SLC20A2: variants seen among roughly 807,000 people sequenced by gnomAD.
SLC20A2 encodes solute carrier family 20 member 2.
SLC20A2 carries 30 observed loss-of-function variants against 61.0 expected under a neutral mutation model. That is an observed-to-expected ratio of 0.49 (90% CI 0.37 to 0.67). The LOEUF is 0.67. Ranked by LOEUF, SLC20A2 falls within the 30% of genes least tolerant of loss-of-function variation. The pLI, the probability that SLC20A2 is intolerant of heterozygous loss-of-function variation, is 0.00. For synonymous variants in SLC20A2, 351 were observed against 353.3 expected, an observed-to-expected ratio of 0.99 and a Z score of 0.07; for missense variants, 626 against 866.4, an observed-to-expected ratio of 0.72 and a Z score of 3.48.
intron 1 of SLC20A2, among the ~76,000 whole-genome samples, chr8:42,509,252 TAA>T (rs1238234833): frequency 6.6e-6 from 1 of 152,204 alleles, no homozygotes; most frequent in African/African-American, 2.4e-5. Flanking sequence ...TAAACACACT[TAA>T]ATGTTTCCCT....
chr8:42,449,588 C>T (rs544963533), intron 5 of SLC20A2, among the ~76,000 whole-genome samples: 3 of 152,190 alleles, frequency 2.0e-5, no homozygotes, highest in African/African-American at 7.2e-5. Context: ...TAGTCTATAT[C>T]AGTTTCCTTA....
At chr8:42,443,811 T>C (rs1028943655) in intron 6 of SLC20A2, among the ~76,000 whole-genome samples, 7 of 152,218 alleles carry the variant, frequency 4.6e-5, no homozygotes, top group African/African-American at 1.7e-4. Flanking sequence ...ATTTTCCATA[T>C]TCTTAAATTT....
chr8:42,455,305 A>G (rs1378945307), intron 5 of SLC20A2, among the ~76,000 whole-genome samples: 2 of 146,012 alleles, frequency 1.4e-5, no homozygotes, highest in African/African-American at 5.1e-5. Context: ...GTGCGCATGC[A>G]CTCCAGGTTC....
At chr8:42,442,869 G>A (rs1359848782) in intron 6 of SLC20A2, among the ~76,000 whole-genome samples, 1 of 152,154 alleles carries the variant, frequency 6.6e-6, no homozygotes, top group Non-Finnish European at 1.5e-5. Context: ...ATTTCCAAAT[G>A]CAGATATATC....
intron 1 of SLC20A2, among the ~76,000 whole-genome samples, chr8:42,493,173 A>AG (rs1809653188): frequency 6.6e-6 from 1 of 152,212 alleles, no homozygotes; most frequent in Non-Finnish European, 1.5e-5. Context: ...GCAGGTGGAA[A>AG]GGGGGGCCTG....
intron 8 of SLC20A2, among the ~76,000 whole-genome samples, chr8:42,434,815 G>A (rs1008168751): frequency 6.6e-6 from 1 of 152,134 alleles, no homozygotes; most frequent in East Asian, 1.9e-4. Flanking sequence ...CAGTCACCCC[G>A]AGCAGCCACT....
chr8:42,446,654 A>G (rs1667433525), intron 5 of SLC20A2, among the ~76,000 whole-genome samples: 1 of 152,230 alleles, frequency 6.6e-6, no homozygotes, highest in South Asian at 2.1e-4. Flanking sequence ...TGTTTGAAAA[A>G]TAAAACATCC....
rs546344709 is a variant in SLC20A2 at position 42,537,223 on chromosome 8, A to G, written c.-265+4598T>C. Among the ~76,000 whole-genome samples, 84 of 152,164 alleles carry G rather than the reference A, an allele frequency of 5.5e-4. No homozygotes were observed. In the Middle Eastern group the frequency reaches 0.014, roughly 25 times the overall value. ...GTATAGTGAGACCTCATCTTTACAC[A>G]AAATTTAAAAATTAGCTGAGCACAG... On this transcript the variant is annotated intron_variant, in intron 1 of 10. Transcript: ENST00000342228.
intron 1 of SLC20A2, among the ~76,000 whole-genome samples, chr8:42,525,538 C>T (rs1811871475): frequency 7.1e-6 from 1 of 140,102 alleles, no homozygotes; most frequent in South Asian, 2.2e-4. Context: ...GCTGAGATCG[C>T]ACCACTGCAC....
At chr8:42,528,832 A>G (rs774100234) in intron 1 of SLC20A2, among the ~76,000 whole-genome samples, 2 of 151,158 alleles carry the variant, frequency 1.3e-5, no homozygotes, top group Admixed American at 6.6e-5. Flanking sequence ...ATGCCCGACT[A>G]ATTTTTGTAT....
chr8:42,419,309 C>G (rs1802889716), intron 10 of SLC20A2, among the ~76,000 whole-genome samples: 1 of 152,068 alleles, frequency 6.6e-6, no homozygotes, highest in African/African-American at 2.4e-5. Flanking sequence ...GTGGCTCACG[C>G]CTGTAATCTC....
chr8:42,423,555 T>C (rs1803182837), intron 10 of SLC20A2, among the ~76,000 whole-genome samples: 1 of 152,164 alleles, frequency 6.6e-6, no homozygotes, highest in South Asian at 2.1e-4. Context: ...TATAAATGTT[T>C]CACGATGCTT....
At chr8:42,504,852 C>CAAAAAAAAAAAAAAAAAAAA (rs771127709), upstream of SLC20A2, among the ~76,000 whole-genome samples, 11 of 16,494 alleles carry the variant, frequency 6.7e-4, 2 homozygotes, top group African/African-American at 1.7e-3. Context: ...GACTCCGTCT[C>CAAAAAAAAAAAAAAAAAAAA]AAAAAAAAAA....
intron 1 of SLC20A2, among the ~76,000 whole-genome samples, chr8:42,478,873 T>C (rs1272681152): frequency 4.7e-5 from 7 of 147,374 alleles, no homozygotes; most frequent in Non-Finnish European, 8.9e-5. Flanking sequence ...GATTATACAG[T>C]GAAAAAAAGA....
At chr8:42,491,543 C>CTATTTGGG (rs1809514692) in intron 1 of SLC20A2, among the ~76,000 whole-genome samples, 1 of 151,046 alleles carries the variant, frequency 6.6e-6, no homozygotes, top group Non-Finnish European at 1.5e-5. Flanking sequence ...TGGTGGCGGG[C>CTATTTGGG]ACCTGTAATC....
At chr8:42,456,477 T>G (rs1806202923) in intron 5 of SLC20A2, among the ~76,000 whole-genome samples, 1 of 152,172 alleles carries the variant, frequency 6.6e-6, no homozygotes, top group Non-Finnish European at 1.5e-5. Flanking sequence ...GGCTCATGCC[T>G]GTAATCCCAC....
chr8:42,496,340 C>T (rs764836358), intron 1 of SLC20A2, among the ~76,000 whole-genome samples: 27 of 152,126 alleles, frequency 1.8e-4, no homozygotes, highest in Admixed American at 3.9e-4. Flanking sequence ...TGTTTTCAAC[C>T]GGAGACACTT....
rs146545280 is a variant in SLC20A2, at chr8:42,537,427, G to C, written c.-265+4394C>G. On this transcript the variant is annotated intron_variant, in intron 1 of 10. Transcript: ENST00000342228. ...AAAGATAAAGCAAATGGACAGAAGT[G>C]TATAGGAAACCTTTAGTAATACCCA... The C allele has an allele frequency of 5.4e-3, 814 of 150,768 alleles. 9 individuals carry two copies. Among genetic ancestry groups the C allele is most frequent in the Middle Eastern group, 0.02 (6 of 296 alleles). 9.3% of individuals were successfully genotyped at this position (150,768 alleles called of 1,614,324 possible).
intron 5 of SLC20A2, among the ~76,000 whole-genome samples, chr8:42,451,977 AGAG>A (rs1214913069): frequency 8.9e-5 from 9 of 100,840 alleles, no homozygotes; most frequent in Non-Finnish European, 1.4e-4. Flanking sequence ...GAAGAGATGA[AGAG>A]GAGGAGGAGG....
Sources: allele counts gnomAD v4.1 joint callset (sites outside exome capture counted in the v4.1 genomes callset), GRCh38; gene constraint gnomAD v4.1.1; transcripts MANE v1.5; gene names NCBI Gene and HGNC (gene_info 2026-07-23, HGNC 2026-07-21).